Variants in CREBL2 observed in about 807,000 individuals in gnomAD.
The protein encoded by CREBL2 is cAMP-responsive element-binding protein-like 2.
A neutral mutation model predicts 19.5 loss-of-function variants in CREBL2; 4 were observed. That is an observed-to-expected ratio of 0.20 (90% CI 0.10 to 0.47). The LOEUF (loss-of-function observed/expected upper bound fraction) is 0.47. CREBL2 is among the 20% of genes least tolerant of loss of function. CREBL2 has a pLI of 0.98. For missense variants in CREBL2, 85 were observed against 145.1 expected, an observed-to-expected ratio of 0.59 and a Z score of 2.13; for synonymous variants, 42 against 46.6, an observed-to-expected ratio of 0.90 and a Z score of 0.40.
intron 1 of CREBL2, among the ~76,000 whole-genome samples, chr12:12,627,058 G>C (rs920730802): frequency 3.3e-5 from 5 of 152,050 alleles, no homozygotes; most frequent in Admixed American, 3.3e-4. Flanking sequence ...GGAAGAGAGG[G>C]AGGAATAGAT....
chr12:12,618,335 C>T (rs1409957721), intron 1 of CREBL2, among the ~76,000 whole-genome samples: 3 of 151,722 alleles, frequency 2.0e-5, no homozygotes, highest in Non-Finnish European at 4.4e-5. Flanking sequence ...GGCAGAGATG[C>T]TCCTTACCTC....
chr12:12,614,273 G>A (rs1566102044), intron 1 of CREBL2: 2 of 152,244 alleles, frequency 1.3e-5, no homozygotes, highest in Non-Finnish European at 1.5e-5. Flanking sequence ...AGGAATACAG[G>A]TGTGAGCCAC....
At chr12:12,623,004 A>G (rs1221333844) in intron 1 of CREBL2, among the ~76,000 whole-genome samples, 1 of 152,018 alleles carries the variant, frequency 6.6e-6, no homozygotes. Context: ...GAGCATCAGG[A>G]TGTAAATAAG....
intron 3 of CREBL2, among the ~76,000 whole-genome samples, chr12:12,640,749 G>A (rs1220829398): frequency 2.6e-5 from 4 of 152,132 alleles, no homozygotes; most frequent in South Asian, 4.1e-4. Flanking sequence ...CTGAGTTTCC[G>A]CAACAGAGTT....
At chr12:12,626,172 G>A (rs991114666) in intron 1 of CREBL2, among the ~76,000 whole-genome samples, 2 of 151,412 alleles carry the variant, frequency 1.3e-5, no homozygotes, top group South Asian at 4.2e-4. Flanking sequence ...GGTGCTGGAG[G>A]CTTCCTCATT....
intron 1 of CREBL2, among the ~76,000 whole-genome samples, chr12:12,624,091 C>T (rs1437090462): frequency 6.6e-6 from 1 of 152,142 alleles, no homozygotes; most frequent in Non-Finnish European, 1.5e-5. Flanking sequence ...TTTAAGCCAC[C>T]ACATTTGTGG....
At chr12:12,625,149 G>C (rs921790604) in intron 1 of CREBL2, among the ~76,000 whole-genome samples, 1 of 152,150 alleles carries the variant, frequency 6.6e-6, no homozygotes, top group African/African-American at 2.4e-5. Flanking sequence ...GGCAACATTC[G>C]AGTGGGAAAA....
At chr12:12,624,837 C>T (rs1945388176) in intron 1 of CREBL2, among the ~76,000 whole-genome samples, 1 of 152,176 alleles carries the variant, frequency 6.6e-6, no homozygotes, top group Admixed American at 6.5e-5. Context: ...TATCCAGCGT[C>T]CAGGTAAAAT....
At chr12:12,626,956 G>A (rs866721085) in intron 1 of CREBL2, among the ~76,000 whole-genome samples, 2 of 151,940 alleles carry the variant, frequency 1.3e-5, no homozygotes, top group Admixed American at 6.6e-5. Flanking sequence ...AGCCTTAAAT[G>A]CATATTGCTA....
intron 1 of CREBL2, among the ~76,000 whole-genome samples, chr12:12,618,147 C>T (rs1384849655): frequency 2.0e-5 from 3 of 152,070 alleles, no homozygotes; most frequent in Admixed American, 6.5e-5. Flanking sequence ...AAACTGCCAT[C>T]GTCATCATGG....
At chr12:12,629,091 GT>G (rs1217201679) in intron 1 of CREBL2, among the ~76,000 whole-genome samples, 1 of 152,116 alleles carries the variant, frequency 6.6e-6, no homozygotes, top group East Asian at 1.9e-4. Context: ...GATTGTTTTG[GT>G]TATTCTGGGT....
At chr12:12,630,621 A>T (rs1202781444) in intron 1 of CREBL2, among the ~76,000 whole-genome samples, 1 of 152,078 alleles carries the variant, frequency 6.6e-6, no homozygotes, top group African/African-American at 2.4e-5. Context: ...ATTTATCATT[A>T]CATTCTATCT....
chr12:12,632,460 C>A (rs1401585977), intron 1 of CREBL2: 1 of 152,044 alleles, frequency 6.6e-6, no homozygotes, highest in African/African-American at 2.4e-5. Flanking sequence ...AGGGTTATAG[C>A]TTTTATTTTA....
At chr12:12,630,681 A>G (rs1403676049) in intron 1 of CREBL2, among the ~76,000 whole-genome samples, 2 of 152,018 alleles carry the variant, frequency 1.3e-5, no homozygotes, top group Non-Finnish European at 2.9e-5. Context: ...CTTAAGGTGG[A>G]AGATTAGATT....
chr12:12,631,331 TA>T (rs1222089515), intron 1 of CREBL2, among the ~76,000 whole-genome samples: 4 of 152,196 alleles, frequency 2.6e-5, no homozygotes, highest in African/African-American at 9.6e-5. Context: ...AAATGTGCTC[TA>T]GGGCAGAAAA....
At chr12:12,635,089 C>T (rs1030718004) in intron 1 of CREBL2, among the ~76,000 whole-genome samples, 1 of 151,830 alleles carries the variant, frequency 6.6e-6, no homozygotes, top group African/African-American at 2.4e-5. Context: ...AAAGTGGGGC[C>T]TGGCACCATG....
chr12:12,628,484 G>T (rs1473243917), intron 1 of CREBL2, among the ~76,000 whole-genome samples: 1 of 152,090 alleles, frequency 6.6e-6, no homozygotes, highest in Admixed American at 6.5e-5. Context: ...GATTATCCTT[G>T]AAATACAGTT....
chr12:12,641,386 C>A (rs1945520956), intron 3 of CREBL2, among the ~76,000 whole-genome samples: 1 of 151,078 alleles, frequency 6.6e-6, no homozygotes, highest in Non-Finnish European at 1.5e-5. Flanking sequence ...TGGCTCACTG[C>A]AACCTCTGCC....
intron 3 of CREBL2, 140 bp from the exon 4 acceptor site, chr12:12,641,853 CT>C (rs572312767): frequency 1.9e-4 from 84 of 453,600 alleles, no homozygotes; most frequent in African/African-American, 6.3e-4. Flanking sequence ...GCCAAATCAG[CT>C]TTTTTTTAGT....
Sources: allele counts gnomAD v4.1 joint callset (sites outside exome capture counted in the v4.1 genomes callset), GRCh38; gene constraint gnomAD v4.1.1; transcripts MANE v1.5; gene names NCBI Gene and HGNC (gene_info 2026-07-23, HGNC 2026-07-21).